Variants in KLRC4 observed in about 807,000 individuals in gnomAD.
KLRC4 encodes NKG2-F type II integral membrane protein.
A neutral mutation model predicts 14.3 loss-of-function variants in KLRC4; 6 were observed. That is an observed-to-expected ratio of 0.42 (90% CI 0.23 to 0.83). KLRC4 has a LOEUF of 0.83. Among genes scored for constraint, KLRC4 ranks in the 40% least tolerant of loss-of-function variants. The pLI, the probability that KLRC4 is intolerant of heterozygous loss-of-function variation, is 0.29. For synonymous variants in KLRC4, 53 were observed against 60.5 expected (o/e 0.88, Z 0.57); for missense variants, 158 against 179.4 (o/e 0.88, Z 0.68).
At chr12:10,409,354 G>C (rs765628659) in intron 1 of KLRC4, 35 bp downstream of exon 1, 28 of 1,580,292 alleles carry the variant, frequency 1.8e-5, no homozygotes, top group Non-Finnish European at 2.1e-5. Context: ...GCACATCCTA[G>C]AACAATAATA....
Position 10,407,610 on chromosome 12 carries a change from A to G in KLRC4, c.*43T>C. 1.3e-6 allele frequency: 2 copies of G among 1,595,100 alleles called. No homozygotes were observed. The highest frequency in any genetic ancestry group is 3.5e-5 in the Admixed American group (2 of 56,368). On this transcript the variant is annotated 3_prime_UTR_variant, in exon 4 of 4. Coordinates refer to ENST00000309384, the MANE Select transcript of KLRC4 (RefSeq NM_013431.2). ...ATATTGACAGAAATAAGCTTTTAGT[A>G]AAGTGTTGAAACATTTACGTCTTAC...
chr12:10,409,120 T>C lies in KLRC4; in HGVS notation c.188-110A>G. 7 of 1,204,780 alleles carry C rather than the reference T, an allele frequency of 5.8e-6. No individual in the cohort carries two copies. In the South Asian group the frequency reaches 9.4e-5, roughly 16 times the overall value. The allele number at this position is 1,204,780 out of a possible 1,614,324, so 74.6% of individuals were successfully genotyped here. On this transcript the variant is annotated intron_variant, in intron 1 of 3. Transcript: ENST00000309384. ...GAAAACATAATGATAAACTCTGTCC[T>C]CTAAATCTACATCTACTCTAGTAAT...
Position 10,407,479 on chromosome 12 carries a change from A to T in KLRC4, c.*174T>A. On this transcript the variant is annotated 3_prime_UTR_variant, in exon 4 of 4. Transcript: ENST00000309384. ...TGGAAATAACCAAATGTGCATTAAC[A>T]GTATATGAATATAAAAATATTATGA... is the stretch of plus-strand genomic sequence containing the variant. 1 of 673,676 alleles carries T rather than the reference A, an allele frequency of 1.5e-6. No individual in the cohort carries two copies. The highest frequency in any genetic ancestry group is 2.3e-6 in the Non-Finnish European group (1 of 434,064). 41.7% of individuals were successfully genotyped at this position (673,676 alleles called of 1,614,324 possible).
intron 3 of KLRC4, 135 bp from the exon 4 acceptor site, chr12:10,407,924 T>A (rs559672672): frequency 7.9e-7 from 1 of 1,262,560 alleles, no homozygotes; most frequent in Non-Finnish European, 1.1e-6. Context: ...TATTTTAAAA[T>A]AACGAGTCAC....
intron 2 of KLRC4, among the ~76,000 whole-genome samples, chr12:10,408,633 T>A (rs1863537643): frequency 6.6e-6 from 1 of 152,132 alleles, no homozygotes; most frequent in African/African-American, 2.4e-5. Context: ...CTAAATATTT[T>A]TTCTCTTAAA....
Position 10,409,756 on chromosome 12 carries a change from T to A in KLRC4, c.-181A>T. The A allele has an allele frequency of 2.3e-6, 2 of 873,928 alleles. No individual in the cohort carries two copies. Among genetic ancestry groups the A allele is most frequent in the Non-Finnish European group, 3.1e-6 (2 of 645,064 alleles). 54.1% of individuals were successfully genotyped at this position (873,928 alleles called of 1,614,324 possible). On this transcript the variant is annotated 5_prime_UTR_variant, in exon 1 of 4. Coordinates refer to ENST00000309384, the MANE Select transcript of KLRC4 (RefSeq NM_013431.2). ...GTCTGGTACTAATTTCCTAAAGTTT[T>A]AAACTGAAATCTCTTTAAACAATAG...
At position 10,408,910 on chromosome 12, in the gene KLRC4, A is replaced by G. The variant is rs1863542134; in HGVS notation, c.286+2T>C. 1 of 1,613,570 alleles carries G rather than the reference A, an allele frequency of 6.2e-7. No individual in the cohort carries two copies. Among genetic ancestry groups the G allele is most frequent in the Non-Finnish European group, 8.5e-7 (1 of 1,179,668 alleles). ...CTTATAATCTTTCAAGAATATGCTTACAAGGAATAAGAACTATTGTTTTTA... is the reference window on the plus strand; with the variant it reads ...CTTATAATCTTTCAAGAATATGCTTGCAAGGAATAAGAACTATTGTTTTTA... On this transcript the variant is annotated splice_donor_variant, in intron 2 of 3. Coordinates refer to ENST00000309384, the MANE Select transcript of KLRC4 (RefSeq NM_013431.2). LOFTEE classifies it high-confidence loss of function.
At position 10,407,491 on chromosome 12, in the gene KLRC4, T is replaced by G; in HGVS notation, c.*162A>C. Reference sequence around the variant, plus strand: ...AATGTGCATTAACAGTATATGAATATAAAAATATTATGAAGTCAGTTGAAT... The same window carrying G: ...AATGTGCATTAACAGTATATGAATAGAAAAATATTATGAAGTCAGTTGAAT... On this transcript the variant is annotated 3_prime_UTR_variant, in exon 4 of 4. Coordinates refer to ENST00000309384, the MANE Select transcript of KLRC4 (RefSeq NM_013431.2). 1 of 804,200 alleles carries G rather than the reference T, an allele frequency of 1.2e-6. No homozygotes were observed. The highest frequency in any genetic ancestry group is 1.9e-6 in the Non-Finnish European group (1 of 539,402). The allele number at this position is 804,200 out of a possible 1,614,324, so 49.8% of individuals were successfully genotyped here.
In KLRC4 at chr12:10,409,403, G is replaced by C; in HGVS notation, c.173C>G (p.Thr58Arg). 6.2e-7 allele frequency: 1 copy of C among 1,610,012 alleles called. No homozygotes were observed. Residue 58 changes from threonine (T) to arginine (R), a missense_variant, in exon 1 of 4, where the codon ACA becomes AGA. Coordinates refer to ENST00000309384, the MANE Select transcript of KLRC4 (RefSeq NM_013431.2). ...TAATGTTTTACCTTTGCAGTGATATGTCTTGTCATTCCCTTGATGATCCGA... is the reference window on the plus strand; with the variant it reads ...TAATGTTTTACCTTTGCAGTGATATCTCTTGTCATTCCCTTGATGATCCGA... ...ASSDHQGNDK[T>R]YHCKGLLPPP... is the part of the protein sequence containing the mutation.
chr12:10,409,184 T>A (rs949741341), intron 1 of KLRC4, among the ~76,000 whole-genome samples, 174 bp from the exon 2 acceptor site: 1 of 152,222 alleles, frequency 6.6e-6, no homozygotes, highest in African/African-American at 2.4e-5. Flanking sequence ...TCAGTAAATA[T>A]AATGCTCCAT....
At chr12:10,409,352 T>C (rs148953172) in intron 1 of KLRC4, 37 bp downstream of exon 1, 3 of 1,582,474 alleles carry the variant, frequency 1.9e-6, no homozygotes, top group East Asian at 2.2e-5. Flanking sequence ...CTGCACATCC[T>C]AGAACAATAA....
In KLRC4 at chr12:10,409,058, T is replaced by A. The variant is rs772268415; in HGVS notation, c.188-48A>T. The A allele has an allele frequency of 1.5e-5, 24 of 1,605,808 alleles. No individual in the cohort carries two copies. In the East Asian group the frequency reaches 5.1e-4, roughly 34 times the overall value. ...TGAGAGAGGGGAGATAGAGAGTTGA[T>A]GAGAAGGTTTACGTACAAGAGAACT... On this transcript the variant is annotated intron_variant, in intron 1 of 3. Coordinates refer to ENST00000309384, the MANE Select transcript of KLRC4 (RefSeq NM_013431.2).
In KLRC4 at chr12:10,409,584, C is replaced by G. The variant is rs1388633423; in HGVS notation, c.-9G>C. Reference sequence around the variant, plus strand: ...CCTCTTTGTTTATTCATCTCTGCAGCTGTGTGATGTCAGGGACTGTGCTCT... The same window carrying G: ...CCTCTTTGTTTATTCATCTCTGCAGGTGTGTGATGTCAGGGACTGTGCTCT... On this transcript the variant is annotated 5_prime_UTR_variant, in exon 1 of 4. Transcript: ENST00000309384. The G allele has an allele frequency of 6.2e-7, 1 of 1,609,286 alleles. No homozygotes were observed. Among genetic ancestry groups the G allele is most frequent in the African/African-American group, 1.3e-5 (1 of 74,450 alleles).
Position 10,409,002 on chromosome 12 carries a change from G to T in KLRC4, c.196C>A (p.Pro66Thr), listed in dbSNP as rs1168805235. The change falls in exon 2 of 4, where the codon CCA (proline) becomes ACA (threonine). Residue 66 changes from proline to threonine, a missense_variant. Transcript: ENST00000309384. ...DKTYHCKGLL[P>T]PPEKLTAEVL... ...TCAGCAGTGAGCTTCTCTGGAGGTG[G>T]CAGTAAACCTGCAGGGAGAGAAAGA... The T allele has an allele frequency of 8.1e-6, 13 of 1,613,614 alleles. No individual in the cohort carries two copies. The highest frequency in any genetic ancestry group is 1.1e-5 in the Non-Finnish European group (13 of 1,179,734).
intron 3 of KLRC4, 138 bp downstream of exon 3, chr12:10,408,191 A>T (rs1304592008): frequency 3.3e-6 from 2 of 603,594 alleles, no homozygotes; most frequent in African/African-American, 1.9e-5. Context: ...ACATGCCCTC[A>T]TATAATCTTT....
chr12:10,408,784 T>C (rs1290055128), intron 2 of KLRC4, 128 bp downstream of exon 2: 1 of 1,146,926 alleles, frequency 8.7e-7, no homozygotes, highest in Non-Finnish European at 1.2e-6. Context: ...AGAAGCAGCA[T>C]ATTATCTTGG....
rs759387885 is a variant in KLRC4, at chr12:10,409,637, G to C, written c.-62C>G. 237 of 1,533,626 alleles carry C rather than the reference G, an allele frequency of 1.5e-4. 1 individual carries two copies. The highest frequency in any genetic ancestry group is 1.7e-4 in the Middle Eastern group (1 of 5,738). ...GATAACTGCACTTAAGAAGCTATAA[G>C]TGGTGTATATTTTGACAGGATCCCT... On this transcript the variant is annotated 5_prime_UTR_variant, in exon 1 of 4. Transcript: ENST00000309384.
chr12:10,407,417 CA>C lies in KLRC4; in HGVS notation c.*235del. The C allele has an allele frequency of 2.3e-6, 1 of 436,110 alleles. No individual in the cohort carries two copies. Among genetic ancestry groups the C allele is most frequent in the Non-Finnish European group, 4.0e-6 (1 of 251,450 alleles). 27.0% of individuals were successfully genotyped at this position (436,110 alleles called of 1,614,324 possible). A position where few individuals can be genotyped will look rare whatever the true frequency, so the allele number is the denominator to read the frequency against. On this transcript the variant is annotated 3_prime_UTR_variant, in exon 4 of 4. Transcript: ENST00000309384. ...CTTTATATTTATTTTGTGATAAAAACATTTATAGAAGCATGGGTTTCCATGA... is the reference window on the plus strand; with the variant it reads ...CTTTATATTTATTTTGTGATAAAAACTTTATAGAAGCATGGGTTTCCATGA...
chr12:10,409,275 G>T, intron 1 of KLRC4, 114 bp downstream of exon 1: 1 of 1,118,950 alleles, frequency 8.9e-7, no homozygotes, highest in Non-Finnish European at 1.3e-6. Flanking sequence ...ATTAGATCCT[G>T]ACTTTGACCT....
Sources: gnomAD v4.1 joint callset for allele counts (sites outside exome capture counted in the v4.1 genomes callset) on GRCh38, gnomAD v4.1.1 for gene constraint, MANE v1.5 for transcripts, NCBI Gene and HGNC (gene_info 2026-07-23, HGNC 2026-07-21) for gene names.